The following TTYH3 variants were observed in gnomAD, a reference collection of about 807,000 sequenced individuals.
TTYH3 encodes protein tweety homolog 3.
Under a neutral mutation model 68.2 loss-of-function variants are expected in TTYH3, and 23 were observed. The observed-to-expected ratio is 0.34, with a 90% CI of 0.24 to 0.48. The LOEUF is 0.48. Ranked by LOEUF, TTYH3 falls within the 20% of genes least tolerant of loss-of-function variation. TTYH3 has a pLI of 0.99. For synonymous variants in TTYH3, 360 were observed against 332.8 expected, an observed-to-expected ratio of 1.08 and a Z score of -0.89; for missense variants, 768 against 727.7, an observed-to-expected ratio of 1.06 and a Z score of -0.64.
rs149619160 is a variant in TTYH3, at chr7:2,641,212, T to C, written c.124-5641T>C. Among the ~76,000 whole-genome samples the C allele has an allele frequency of 5.3e-4, 81 of 152,296 alleles. No individual in the cohort carries two copies. The East Asian group carries it at 0.014, about 27-fold the overall frequency. On this transcript the variant is annotated intron_variant, in intron 1 of 13. Coordinates refer to ENST00000258796, the MANE Select transcript of TTYH3 (RefSeq NM_025250.3). ...TACTGGGATCCTATCGGTAGCAACC[T>C]GATCTGGGACAGAGTAAGGCTTCAG...
chr7:2,646,562 G>C (rs1374970212), intron 1 of TTYH3, among the ~76,000 whole-genome samples: 2 of 152,224 alleles, frequency 1.3e-5, no homozygotes, highest in African/African-American at 4.8e-5. Context: ...ACAGAAGCCT[G>C]GAGTCGGTTC....
At chr7:2,637,536 C>T (rs1156629333) in intron 1 of TTYH3, among the ~76,000 whole-genome samples, 1 of 152,162 alleles carries the variant, frequency 6.6e-6, no homozygotes, top group East Asian at 1.9e-4. Context: ...AGTTCGTGAA[C>T]CCAGGGGTGC....
Position 2,661,652 on chromosome 7 carries a change from C to G in TTYH3, c.1501-16C>G. 1 of 1,611,352 alleles carries G rather than the reference C, an allele frequency of 6.2e-7. No individual in the cohort carries two copies. The highest frequency in any genetic ancestry group is 8.5e-7 in the Non-Finnish European group (1 of 1,179,086). Reference sequence around the variant, plus strand: ...TGCAGGGGCCCTGCTGATGCCTCCCCCTTGTCTCCCTCCAGTACACCTCCA... The same window carrying G: ...TGCAGGGGCCCTGCTGATGCCTCCCGCTTGTCTCCCTCCAGTACACCTCCA... On this transcript the variant is annotated splice_polypyrimidine_tract_variant and intron_variant, in intron 13 of 13. Transcript: ENST00000258796.
At position 2,652,366 on chromosome 7, in the gene TTYH3, G is replaced by T. The variant is rs536606632; in HGVS notation, c.927+124G>T. On this transcript the variant is annotated intron_variant, in intron 8 of 13. Transcript: ENST00000258796. The stretch of plus-strand genomic sequence containing the variant: ...TGCAGGACTGGGGAACTGGGGGAGG[G>T]AGCTGGACAAAGGCTGTGTGGATGT... 5.2e-5 allele frequency: 44 copies of T among 850,618 alleles called. No homozygotes were observed. The African/African-American group carries it at 7.0e-4, about 14-fold the overall frequency. 52.7% of individuals were successfully genotyped at this position (850,618 alleles called of 1,614,324 possible). A position where few individuals can be genotyped will look rare whatever the true frequency, so the allele number is the denominator to read the frequency against.
chr7:2,660,114 C>A lies in TTYH3; in HGVS notation c.1500+1099C>A, dbSNP rs549407377. 8.2e-4 allele frequency: 1,020 copies of A among 1,241,420 alleles called. 12 individuals are homozygous for A. In the African/African-American group the frequency reaches 0.014, roughly 18 times the overall value. 76.9% of individuals were successfully genotyped at this position (1,241,420 alleles called of 1,614,324 possible). On this transcript the variant is annotated intron_variant, in intron 13 of 13. Coordinates refer to ENST00000258796, the MANE Select transcript of TTYH3 (RefSeq NM_025250.3). ...CCCGCCTCCACCCTGCACTCACTGC[C>A]GCCCTCCCGTCGGCACTGAGCTGGG...
chr7:2,632,692 C>G (rs980022289), intron 1 of TTYH3, among the ~76,000 whole-genome samples: 5 of 152,238 alleles, frequency 3.3e-5, no homozygotes, highest in African/African-American at 1.2e-4. Flanking sequence ...AGAGACCCCT[C>G]CCCAGATGAC....
chr7:2,664,029 A>G lies in TTYH3; in HGVS notation c.*2290A>G, dbSNP rs1786559805. 1 of 152,458 alleles carries G rather than the reference A, an allele frequency of 6.6e-6. No individual in the cohort carries two copies. Among genetic ancestry groups the G allele is most frequent in the South Asian group, 2.1e-4 (1 of 4,836 alleles). 9.4% of individuals were successfully genotyped at this position (152,458 alleles called of 1,614,324 possible). A position where few individuals can be genotyped will look rare whatever the true frequency, so the allele number is the denominator to read the frequency against. ...GGGCATCTGGCTGGTGCCTGCTGCC[A>G]TGGCCAGCCCCCACTCTCACCCTGC... On this transcript the variant is annotated 3_prime_UTR_variant, in exon 14 of 14. Transcript: ENST00000258796.
In TTYH3 at chr7:2,653,153, C is replaced by T. The variant is rs564641462; in HGVS notation, c.1020+143C>T. The T allele has an allele frequency of 3.1e-5, 21 of 681,820 alleles. No individual in the cohort carries two copies. In the African/African-American group the frequency reaches 3.8e-4, roughly 12 times the overall value. 42.2% of individuals were successfully genotyped at this position (681,820 alleles called of 1,614,324 possible). A position where few individuals can be genotyped will look rare whatever the true frequency, so the allele number is the denominator to read the frequency against. On this transcript the variant is annotated intron_variant, in intron 9 of 13. Transcript: ENST00000258796. ...AGTGGGGACCTGGTGTTGGAGGTGG[C>T]ATGGGAGGTGTTCCTCTTCCCTCCC...
At chr7:2,653,078 T>C in intron 9 of TTYH3, 68 bp downstream of exon 9, 2 of 1,451,878 alleles carry the variant, frequency 1.4e-6, no homozygotes, top group Non-Finnish European at 1.9e-6. Context: ...AAGGAATTTG[T>C]GGTGCAAACA....
Position 2,645,693 on chromosome 7 carries a change from C to G in TTYH3, c.124-1160C>G. 2.3e-6 allele frequency: 1 copy of G among 436,008 alleles called. No homozygotes were observed. Among genetic ancestry groups the G allele is most frequent in the South Asian group, 1.7e-5 (1 of 60,180 alleles). 27.0% of individuals were successfully genotyped at this position (436,008 alleles called of 1,614,324 possible). ...GGGCACGCCATGGACGGTGCCCACC[C>G]CTGAGTGCAGCTTCTCGGTGCACAG... is the stretch of plus-strand genomic sequence containing the variant. On this transcript the variant is annotated intron_variant, in intron 1 of 13. Transcript: ENST00000258796. This position sits in a 1 kb window ranked among gnomAD's most constrained non-coding sequence, Gnocchi z 4.8.
chr7:2,655,129 C>T (rs1382738315), intron 9 of TTYH3, among the ~76,000 whole-genome samples: 1 of 151,706 alleles, frequency 6.6e-6, no homozygotes, highest in Non-Finnish European at 1.5e-5. Flanking sequence ...GCTCTGTTAT[C>T]CCGAAATCCA....
chr7:2,650,181 G>C (rs1274458277), intron 7 of TTYH3, among the ~76,000 whole-genome samples, 193 bp downstream of exon 7: 1 of 152,212 alleles, frequency 6.6e-6, no homozygotes, highest in Non-Finnish European at 1.5e-5. Context: ...AGAATGACAG[G>C]AACTATGTGG....
At position 2,632,037 on chromosome 7, in the gene TTYH3, G is replaced by C; in HGVS notation, c.-119G>C. The C allele has an allele frequency of 1.1e-6, 1 of 937,266 alleles. No homozygotes were observed. The highest frequency in any genetic ancestry group is 1.3e-6 in the Non-Finnish European group (1 of 745,556). The allele number at this position is 937,266 out of a possible 1,614,324, so 58.1% of individuals were successfully genotyped here. A position where few individuals can be genotyped will look rare whatever the true frequency, so the allele number is the denominator to read the frequency against. ...CCGAGCCGGGCCGGGCCGGGCCCAG[G>C]AGCGCGCGGATGATGCGGGCGGCCA... On this transcript the variant is annotated 5_prime_UTR_variant, in exon 1 of 14. Transcript: ENST00000258796.
intron 1 of TTYH3, among the ~76,000 whole-genome samples, chr7:2,639,223 G>A (rs991008917): frequency 3.3e-5 from 5 of 152,174 alleles, no homozygotes; most frequent in African/African-American, 4.8e-5. Flanking sequence ...CGCCTGCCAC[G>A]TCCTCCCGGA....
chr7:2,658,972 G>A lies in TTYH3; in HGVS notation c.1457G>A (p.Cys486Tyr), dbSNP rs1451866838. Reference sequence around the variant, plus strand: ...AACGCTAATTTCCAGAACCCCCGCTGTGAGAACACCCCACTCATTGGGCGC... The same window carrying A: ...AACGCTAATTTCCAGAACCCCCGCTATGAGAACACCCCACTCATTGGGCGC... ...SQNANFQNPR[C>Y]ENTPLIGRES... The change falls in exon 13 of 14, where the codon TGT becomes TAT. Residue 486 changes from cysteine (C) to tyrosine (Y), a missense_variant. Cys to Tyr is a radical substitution (Grantham distance 194). Transcript: ENST00000258796. 4 of 1,614,088 alleles carry A rather than the reference G, an allele frequency of 2.5e-6. No homozygotes were observed.
In TTYH3 at chr7:2,661,971, A is replaced by C. The variant is rs1427446170; in HGVS notation, c.*232A>C. 1 of 603,630 alleles carries C rather than the reference A, an allele frequency of 1.7e-6. No individual in the cohort carries two copies. The highest frequency in any genetic ancestry group is 2.9e-6 in the Non-Finnish European group (1 of 339,324). The allele number at this position is 603,630 out of a possible 1,614,324, so 37.4% of individuals were successfully genotyped here. ...CACACCTGAACGCTGCTGCCAGCCG[A>C]TGCCCCAGCCCTGCACGCCACCCAC... On this transcript the variant is annotated 3_prime_UTR_variant, in exon 14 of 14. Coordinates refer to ENST00000258796, the MANE Select transcript of TTYH3 (RefSeq NM_025250.3).
In TTYH3 at chr7:2,661,959, T is replaced by C; in HGVS notation, c.*220T>C. On this transcript the variant is annotated 3_prime_UTR_variant, in exon 14 of 14. Transcript: ENST00000258796. ...GCCAACTCGGGTCACACCTGAACGC[T>C]GCTGCCAGCCGATGCCCCAGCCCTG... 1 of 608,696 alleles carries C rather than the reference T, an allele frequency of 1.6e-6. No individual in the cohort carries two copies. The highest frequency in any genetic ancestry group is 2.9e-6 in the Non-Finnish European group (1 of 343,222). The allele number at this position is 608,696 out of a possible 1,614,324, so 37.7% of individuals were successfully genotyped here.
chr7:2,632,784 T>G (rs1303223120), intron 1 of TTYH3, among the ~76,000 whole-genome samples: 1 of 152,204 alleles, frequency 6.6e-6, no homozygotes, highest in Non-Finnish European at 1.5e-5. Context: ...CACCCCCGAC[T>G]GGGGAATCCC....
intron 1 of TTYH3, among the ~76,000 whole-genome samples, chr7:2,633,938 C>T (rs1355313716): frequency 6.6e-6 from 1 of 152,214 alleles, no homozygotes; most frequent in Non-Finnish European, 1.5e-5. Context: ...ACAAGAGCCT[C>T]CGGGCAGTAG....
Sources: gnomAD v4.1 joint callset for allele counts (sites outside exome capture counted in the v4.1 genomes callset) on GRCh38, gnomAD v4.1.1 for gene constraint, Gnocchi (gnomAD v3.1) non-coding constraint, MANE v1.5 for transcripts, NCBI Gene and HGNC (gene_info 2026-07-23, HGNC 2026-07-21) for gene names.